SLC38A8: variants seen among roughly 807,000 people sequenced by gnomAD.
SLC38A8 encodes amino acid transporter SLC38A8.
SLC38A8 carries 65 observed loss-of-function variants against 46.0 expected under a neutral mutation model. The ratio of observed to expected loss-of-function variants is 1.41; its 90% CI spans 1.16 to 1.74. The LOEUF is 1.74. SLC38A8 is among the 40% of genes most tolerant of loss of function. The pLI is 0.00. For missense variants in SLC38A8, 998 were observed against 567.9 expected, an observed-to-expected ratio of 1.76 and a Z score of -7.70; for synonymous variants, 447 against 243.7, an observed-to-expected ratio of 1.83 and a Z score of -7.77.
rs1105355 is a variant in SLC38A8, at chr16:84,041,958, C to A, written c.189+11G>T. ...GTACCCGTCCCCAGGACTCACTTCCCGGGGACTTACCAGCTCCACCAGGAA... is the reference window on the plus strand; with the variant it reads ...GTACCCGTCCCCAGGACTCACTTCCAGGGGACTTACCAGCTCCACCAGGAA... On this transcript the variant is annotated intron_variant, in intron 2 of 10. Coordinates refer to ENST00000299709, the MANE Select transcript of SLC38A8 (RefSeq NM_001080442.3). 858,414 of 1,568,048 alleles carry A rather than the reference C, an allele frequency of 0.55. 236,206 individuals are homozygous for A. The highest frequency in any genetic ancestry group is 0.67 in the East Asian group (29,315 of 44,048).
chr16:84,021,887 T>C lies in SLC38A8; in HGVS notation c.805+888A>G, dbSNP rs1213226700. Among the ~76,000 whole-genome samples the C allele has an allele frequency of 2.0e-5, 3 of 152,350 alleles. No homozygotes were observed. In the South Asian group the frequency reaches 6.2e-4, roughly 32 times the overall value. On this transcript the variant is annotated intron_variant, in intron 7 of 10. Transcript: ENST00000299709. ...GAGGGGACTTTGCAGAGCCCTGAAG[T>C]GGCGCGCAGAGTGTCACATGGCAAG...
chr16:84,013,137 C>A (rs2084974160), intron 9 of SLC38A8, 85 bp from the exon 10 acceptor site: 1 of 1,522,880 alleles, frequency 6.6e-7, no homozygotes, highest in South Asian at 1.2e-5. Flanking sequence ...CTCAGGGACC[C>A]AGGAGGCCAG....
chr16:84,026,104 C>G (rs2085161244), intron 6 of SLC38A8, among the ~76,000 whole-genome samples: 1 of 152,260 alleles, frequency 6.6e-6, no homozygotes, highest in Non-Finnish European at 1.5e-5. Flanking sequence ...AACGGCAGCT[C>G]TGCGTATAGG....
intron 5 of SLC38A8, among the ~76,000 whole-genome samples, chr16:84,029,958 G>C (rs57690634): frequency 0.015 from 2,223 of 152,314 alleles, 54 homozygotes; most frequent in African/African-American, 0.051. Flanking sequence ...CCACCTAAGA[G>C]GACAGAGGTC....
intron 5 of SLC38A8, among the ~76,000 whole-genome samples, chr16:84,031,644 T>G (rs893335969): frequency 2.2e-4 from 34 of 152,344 alleles, no homozygotes; most frequent in African/African-American, 6.3e-4. Context: ...CGGTTCTGCG[T>G]CCCTTGGCCT....
At chr16:84,022,607 T>A (rs988083234) in intron 7 of SLC38A8, among the ~76,000 whole-genome samples, 168 bp downstream of exon 7, 2 of 152,192 alleles carry the variant, frequency 1.3e-5, no homozygotes, top group African/African-American at 4.8e-5. Context: ...AGCTTCCTCA[T>A]CTATGAAATG....
In SLC38A8 at chr16:84,040,836, C is replaced by T. The variant is rs190659148; in HGVS notation, c.189+1133G>A. On this transcript the variant is annotated intron_variant, in intron 2 of 10. Transcript: ENST00000299709. ...CTGAAGCTGATGACATGCATCTTGT[C>T]TGACTTCCCATTAAAACAAAGCTCC... Among the ~76,000 whole-genome samples the T allele has an allele frequency of 3.9e-3, 597 of 152,314 alleles. 2 individuals carry two copies. The highest frequency in any genetic ancestry group is 5.8e-3 in the Non-Finnish European group (396 of 68,030).
At chr16:84,018,862 G>A (rs1340205371) in intron 7 of SLC38A8, among the ~76,000 whole-genome samples, 1 of 152,152 alleles carries the variant, frequency 6.6e-6, no homozygotes, top group Non-Finnish European at 1.5e-5. Context: ...GTCACTAGGA[G>A]ATATATGGGG....
chr16:84,031,233 G>T (rs1274866589), intron 5 of SLC38A8, among the ~76,000 whole-genome samples: 1 of 152,028 alleles, frequency 6.6e-6, no homozygotes, highest in Non-Finnish European at 1.5e-5. Context: ...TAGAGACAGG[G>T]TTTCACCATG....
intron 3 of SLC38A8, among the ~76,000 whole-genome samples, chr16:84,035,579 G>A (rs534026671): frequency 1.1e-4 from 17 of 152,264 alleles, no homozygotes; most frequent in East Asian, 3.9e-4. Flanking sequence ...TCAGGCTGGT[G>A]TTGCAAAAAG....
At position 84,018,128 on chromosome 16, in the gene SLC38A8, C is replaced by T. The variant is rs2085052722; in HGVS notation, c.806-841G>A. ...GCTGAGAAGTCCAAGATTGAGTGCC[C>T]ACACTGGTGAGGGCCTTCTTGCCAA... is the stretch of plus-strand genomic sequence containing the variant. On this transcript the variant is annotated intron_variant, in intron 7 of 10. Transcript: ENST00000299709. Among the ~76,000 whole-genome samples, 3 of 151,912 alleles carry T rather than the reference C, an allele frequency of 2.0e-5. No homozygotes were observed. The South Asian group carries it at 6.2e-4, about 32-fold the overall frequency.
At chr16:84,026,455 G>A (rs931816387) in intron 6 of SLC38A8, among the ~76,000 whole-genome samples, 4 of 152,162 alleles carry the variant, frequency 2.6e-5, no homozygotes, top group Admixed American at 1.3e-4. Context: ...TTGAACTCCT[G>A]ACCTCAGGTG....
chr16:84,012,033 T>C (rs2084960554), intron 10 of SLC38A8, among the ~76,000 whole-genome samples: 1 of 151,770 alleles, frequency 6.6e-6, no homozygotes, highest in African/African-American at 2.4e-5. Flanking sequence ...CTTCAGAGAG[T>C]CCAGCCCTGC....
In SLC38A8 at chr16:84,009,746, C is replaced by T. The variant is rs200101292; in HGVS notation, c.*38G>A. ...CATACAGCAGCCACGTAGGGTCAGC[C>T]CCCGGAGGGCCCCTTCCTGCCCGGC... On this transcript the variant is annotated 3_prime_UTR_variant, in exon 11 of 11. Coordinates refer to ENST00000299709, the MANE Select transcript of SLC38A8 (RefSeq NM_001080442.3). 3.3e-4 allele frequency: 531 copies of T among 1,587,792 alleles called. 1 individual carries two copies. Among genetic ancestry groups the T allele is most frequent in the Non-Finnish European group, 4.2e-4 (488 of 1,162,338 alleles).
intron 2 of SLC38A8, among the ~76,000 whole-genome samples, chr16:84,039,650 G>A (rs1026469532): frequency 6.6e-6 from 1 of 151,840 alleles, no homozygotes; most frequent in Non-Finnish European, 1.5e-5. Context: ...GGAGGAGGCT[G>A]GGCAGGAGAA....
Position 84,037,226 on chromosome 16 carries a change from G to A in SLC38A8, c.190-326C>T, listed in dbSNP as rs1303459093. Among the ~76,000 whole-genome samples the A allele has an allele frequency of 2.0e-5, 3 of 152,316 alleles. No individual in the cohort carries two copies. In the East Asian group the frequency reaches 5.8e-4, roughly 29 times the overall value. On this transcript the variant is annotated intron_variant, in intron 2 of 10. Transcript: ENST00000299709. ...GTGTTTAAGTTACTCTCCTAAAATCGCCTGGGCTGTGGGTGGAGAGGCAGT... is the reference window on the plus strand; with the variant it reads ...GTGTTTAAGTTACTCTCCTAAAATCACCTGGGCTGTGGGTGGAGAGGCAGT...
intron 6 of SLC38A8, 102 bp from the exon 7 acceptor site, chr16:84,022,991 A>G: frequency 1.3e-6 from 1 of 775,706 alleles, no homozygotes; most frequent in Non-Finnish European, 2.0e-6. Flanking sequence ...GGATATGATG[A>G]GGTTTCTCTT....
At position 84,036,853 on chromosome 16, in the gene SLC38A8, AG is replaced by A. The variant is rs1567703764; in HGVS notation, c.236del (p.Ala79ValfsTer36). 6.2e-7 allele frequency: 1 copy of A among 1,613,626 alleles called. No individual in the cohort carries two copies. Among genetic ancestry groups the A allele is most frequent in the Admixed American group, 1.7e-5 (1 of 60,022 alleles). On this transcript the variant is annotated frameshift_variant, in exon 3 of 11. Transcript: ENST00000299709. LOFTEE classifies it high-confidence loss of function. ...AGGTGGCCTGGCCACTGACAGCAGC[AG>A]CATAGCCCAGGATGACCAGCCCGCT... is the stretch of plus-strand genomic sequence containing the variant. ...LISGLVILGY[A>X]AAVSGQATYQ...
chr16:84,029,438 G>C (rs898231060), intron 6 of SLC38A8, 56 bp downstream of exon 6: 3 of 1,586,238 alleles, frequency 1.9e-6, no homozygotes, highest in Admixed American at 1.7e-5. Context: ...AGGGAGCAGA[G>C]AGTCACCCAC....
Sources: allele counts gnomAD v4.1 joint callset (sites outside exome capture counted in the v4.1 genomes callset), GRCh38; gene constraint gnomAD v4.1.1; transcripts MANE v1.5; gene names NCBI Gene and HGNC (gene_info 2026-07-23, HGNC 2026-07-21).